Variants in RANBP3 observed in about 807,000 individuals in gnomAD.
RANBP3 encodes the protein ran-binding protein 3.
In RANBP3, 14 loss-of-function variants were observed where a neutral mutation model predicts 77.3. That is an observed-to-expected ratio of 0.18 (90% CI 0.12 to 0.28). RANBP3 has a LOEUF of 0.28. Ranked by LOEUF, RANBP3 falls within the 10% of genes least tolerant of loss-of-function variation. The pLI, the probability that RANBP3 is intolerant of heterozygous loss-of-function variation, is 1.00. For missense variants in RANBP3, 586 were observed against 752.3 expected (o/e 0.78, Z 2.59); for synonymous variants, 315 against 312.4 (o/e 1.01, Z -0.09).
chr19:5,960,790 C>A (rs1470702315), intron 1 of RANBP3, among the ~76,000 whole-genome samples: 1 of 152,194 alleles, frequency 6.6e-6, no homozygotes, highest in African/African-American at 2.4e-5. Context: ...CCTGGGCAGG[C>A]TGTGGTGCCA....
chr19:5,964,222 A>C (rs375086066), intron 1 of RANBP3, among the ~76,000 whole-genome samples: 1 of 152,148 alleles, frequency 6.6e-6, no homozygotes, highest in Admixed American at 6.5e-5. Context: ...GCTAAGAAGC[A>C]AGCCAGCCCC....
At chr19:5,937,128 C>G (rs1332832018) in intron 5 of RANBP3, among the ~76,000 whole-genome samples, 2 of 144,426 alleles carry the variant, frequency 1.4e-5, no homozygotes, top group African/African-American at 5.1e-5. Context: ...AAACATCACT[C>G]TAAAGACATC....
intron 9 of RANBP3, 108 bp from the exon 10 acceptor site, chr19:5,925,845 G>T: frequency 1.2e-6 from 1 of 865,330 alleles, no homozygotes; most frequent in Non-Finnish European, 1.9e-6. Context: ...TCGGAGCCAT[G>T]AACCCTCTCC....
At chr19:5,919,543 C>G (rs2057790005) in intron 14 of RANBP3, among the ~76,000 whole-genome samples, 1 of 152,224 alleles carries the variant, frequency 6.6e-6, no homozygotes, top group Non-Finnish European at 1.5e-5. Flanking sequence ...GCTCAGGGCT[C>G]TATGCCCTCT....
At chr19:5,918,446 C>T in intron 15 of RANBP3, 50 bp downstream of exon 15, 1 of 1,496,720 alleles carries the variant, frequency 6.7e-7, no homozygotes, top group Non-Finnish European at 9.0e-7. Context: ...GGAACCCCCA[C>T]AGGGCTGGCA....
chr19:5,941,545 G>A, intron 5 of RANBP3, 76 bp downstream of exon 5: 1 of 1,287,292 alleles, frequency 7.8e-7, no homozygotes, highest in East Asian at 2.3e-5. Context: ...ACAGCAGACG[G>A]ATGCGCGGCA....
chr19:5,976,147 CAGA>C (rs1443618085), intron 1 of RANBP3, among the ~76,000 whole-genome samples: 2 of 152,048 alleles, frequency 1.3e-5, no homozygotes, highest in Non-Finnish European at 2.9e-5. Context: ...GGTTTGGGGC[CAGA>C]AGAATTCAAA....
intron 5 of RANBP3, chr19:5,935,550 G>C (rs2058052584): frequency 3.3e-6 from 1 of 301,382 alleles, no homozygotes; most frequent in East Asian, 7.8e-5. Context: ...CCACGCTGAT[G>C]TTTTGGTCAC....
chr19:5,956,493 A>T (rs2058336400), intron 2 of RANBP3, among the ~76,000 whole-genome samples: 1 of 152,214 alleles, frequency 6.6e-6, no homozygotes, highest in Admixed American at 6.5e-5. Flanking sequence ...CCAAAACAAA[A>T]CTAGAAGAAA....
At position 5,917,556 on chromosome 19, in the gene RANBP3, CGGGTGGAT is replaced by C; in HGVS notation, c.*46_*53del. On this transcript the variant is annotated 3_prime_UTR_variant, in exon 17 of 17. Transcript: ENST00000340578. The stretch of plus-strand genomic sequence containing the variant: ...TGCCGGTGGGGTGGGGGCGGGTGGG[CGGGTGGAT>C]AGACGGACAAAGCAGCAGCCTGGTG... The C allele has an allele frequency of 2.1e-6, 3 of 1,442,796 alleles. No homozygotes were observed. The allele number at this position is 1,442,796 out of a possible 1,614,324, so 89.4% of individuals were successfully genotyped here. A position where few individuals can be genotyped will look rare whatever the true frequency, so the allele number is the denominator to read the frequency against.
chr19:5,918,196 G>A (rs274796), intron 15 of RANBP3, among the ~76,000 whole-genome samples: 19,300 of 152,168 alleles, frequency 0.13, 1,609 homozygotes, highest in African/African-American at 0.24. Flanking sequence ...TGGTGGACTC[G>A]ACTGTGACAC....
At chr19:5,922,174 C>T (rs546874697) in intron 13 of RANBP3, among the ~76,000 whole-genome samples, 17 of 152,058 alleles carry the variant, frequency 1.1e-4, no homozygotes, top group Non-Finnish European at 2.2e-4. Context: ...CTAGAAACCA[C>T]GGAATTGTAT....
At chr19:5,950,331 C>T (rs2058259934) in intron 3 of RANBP3, among the ~76,000 whole-genome samples, 1 of 152,196 alleles carries the variant, frequency 6.6e-6, no homozygotes, top group Admixed American at 6.5e-5. Flanking sequence ...GCCGTTACCT[C>T]CCCCACACCC....
intron 7 of RANBP3, among the ~76,000 whole-genome samples, 193 bp downstream of exon 7, chr19:5,932,256 TCTC>T (rs1485366445): frequency 1.3e-5 from 2 of 152,220 alleles, no homozygotes; most frequent in Non-Finnish European, 2.9e-5. Context: ...GCCTCTCCCT[TCTC>T]CGTTGCCAGG....
At position 5,917,337 on chromosome 19, in the gene RANBP3, G is replaced by A; in HGVS notation, c.*273C>T. The A allele has an allele frequency of 1.9e-6, 1 of 522,244 alleles. No homozygotes were observed. Among genetic ancestry groups the A allele is most frequent in the Non-Finnish European group, 3.4e-6 (1 of 293,282 alleles). 32.4% of individuals were successfully genotyped at this position (522,244 alleles called of 1,614,324 possible). On this transcript the variant is annotated 3_prime_UTR_variant, in exon 17 of 17. Transcript: ENST00000340578. The stretch of plus-strand genomic sequence containing the variant: ...CAGTCCCAGTGAGAAGCCGTGACAA[G>A]TCTTAATGTGCCATTTCAATTCAAA...
chr19:5,970,023 C>T (rs903046873), intron 1 of RANBP3, among the ~76,000 whole-genome samples: 1 of 152,190 alleles, frequency 6.6e-6, no homozygotes, highest in African/African-American at 2.4e-5. Flanking sequence ...ACTTCATCTC[C>T]CTGGAGACAC....
intron 3 of RANBP3, among the ~76,000 whole-genome samples, chr19:5,946,262 C>T (rs1012406480): frequency 1.3e-5 from 2 of 152,178 alleles, no homozygotes; most frequent in African/African-American, 4.8e-5. Context: ...ACGCGACACC[C>T]GGGACACCTG....
At chr19:5,930,607 C>T (rs1029384932) in intron 8 of RANBP3, among the ~76,000 whole-genome samples, 10 of 152,282 alleles carry the variant, frequency 6.6e-5, no homozygotes, top group East Asian at 3.9e-4. Flanking sequence ...CTGGCTCTGT[C>T]GTCCAGGCTG....
At chr19:5,939,705 A>G (rs536373091) in intron 5 of RANBP3, among the ~76,000 whole-genome samples, 2 of 152,230 alleles carry the variant, frequency 1.3e-5, no homozygotes, top group South Asian at 4.2e-4. Context: ...CCACGGGAGG[A>G]GACGGAACAG....
Sources: allele counts gnomAD v4.1 joint callset (sites outside exome capture counted in the v4.1 genomes callset), GRCh38; gene constraint gnomAD v4.1.1; transcripts MANE v1.5; gene names NCBI Gene and HGNC (gene_info 2026-07-23, HGNC 2026-07-21).